Variants in CHD3 observed in about 807,000 individuals in gnomAD.
The protein encoded by CHD3 is ATP-dependent chromatin remodeler CHD3.
Under a neutral mutation model 248.9 loss-of-function variants are expected in CHD3, and 52 were observed. The ratio of observed to expected loss-of-function variants is 0.21; its 90% CI spans 0.17 to 0.26. The LOEUF (loss-of-function observed/expected upper bound fraction) is 0.26. Ranked by LOEUF, CHD3 falls within the 10% of genes least tolerant of loss-of-function variation. The probability of loss-of-function intolerance (pLI) is 1.00; values close to 1 mark genes in which losing one functional copy is unlikely to be tolerated. For missense variants in CHD3, 1,482 were observed against 2,605.8 expected (o/e 0.57, Z 9.39); for synonymous variants, 985 against 985.2 (o/e 1.00, Z 0.00).
intron 4 of CHD3, among the ~76,000 whole-genome samples, chr17:7,891,491 T>C (rs1273782473): frequency 6.6e-6 from 1 of 152,154 alleles, no homozygotes; most frequent in Non-Finnish European, 1.5e-5. Flanking sequence ...CTGGTAATAA[T>C]GGAGGGTCCA....
At position 7,911,393 on chromosome 17, in the gene CHD3, T is replaced by G. The variant is rs929882570; in HGVS notation, c.5882-71T>G. 10 of 1,611,344 alleles carry G rather than the reference T, an allele frequency of 6.2e-6. No individual in the cohort carries two copies. In the African/African-American group the frequency reaches 1.3e-4, roughly 22 times the overall value. On this transcript the variant is annotated intron_variant, in intron 39 of 39. Coordinates refer to ENST00000330494, the MANE Select transcript of CHD3 (RefSeq NM_001005273.3). The surrounding 1 kb of genome is among the most constrained non-coding windows in gnomAD (Gnocchi z 5.4). ...CAGGAGGTGACCTAGAAGTGAGAAT[T>G]CACCATTGTCATGAAGTGACGTTTG...
At chr17:7,896,284 C>T (rs993848781) in intron 10 of CHD3, among the ~76,000 whole-genome samples, 1 of 150,008 alleles carries the variant, frequency 6.7e-6, no homozygotes, top group East Asian at 1.9e-4. Flanking sequence ...TTCCCTATCT[C>T]TTGCTTGTAA....
chr17:7,906,640 A>G lies in CHD3; in HGVS notation c.4446A>G (p.Gly1482=), dbSNP rs1567867968. 1 of 1,613,400 alleles carries G rather than the reference A, an allele frequency of 6.2e-7. No homozygotes were observed. The highest frequency in any genetic ancestry group is 8.5e-7 in the Non-Finnish European group (1 of 1,179,774). Residue 1482 remains glycine, a synonymous_variant, in exon 29 of 40, where the codon GGA becomes GGG. Transcript: ENST00000330494. This position sits in a 1 kb window ranked among gnomAD's most constrained non-coding sequence, Gnocchi z 5.0. ...ETFADGVPRE[G]LSRQQVLTRI... is the part of the protein sequence containing the mutation. ...TTGCCGATGGGGTCCCTCGGGAGGGACTGAGTCGCCAGCAGGTGTTGACCC... is the reference window on the plus strand; with the variant it reads ...TTGCCGATGGGGTCCCTCGGGAGGGGCTGAGTCGCCAGCAGGTGTTGACCC...
rs1177869677 is a variant in CHD3, at chr17:7,908,484, C to G, written c.5235C>G (p.Asp1745Glu). 6.2e-7 allele frequency: 1 copy of G among 1,613,734 alleles called. No individual in the cohort carries two copies. Among genetic ancestry groups the G allele is most frequent in the Non-Finnish European group, 8.5e-7 (1 of 1,179,740 alleles). Residue 1745 changes from aspartate to glutamate, a missense_variant, in exon 35 of 40, where the codon GAC becomes GAG. Physicochemically the swap from Asp to Glu is conservative, Grantham distance 45. Around this residue, in one of 20 missense-constraint regions of CHD3, gnomAD observed 36 missense variants for 70.4 expected, o/e 0.51. Transcript: ENST00000330494. This position sits in a 1 kb window ranked among gnomAD's most constrained non-coding sequence, Gnocchi z 5.8. The part of the protein sequence containing the change: ...KLNEIWHRRH[D>E]YWLLAGIVLH... ...ATGAGATCTGGCACAGAAGACATGA[C>G]TATTGGCTTCTGGCTGGGATTGTCC...
At position 7,910,703 on chromosome 17, in the gene CHD3, C is replaced by T. The variant is rs531627725; in HGVS notation, c.5754+112C>T. The T allele has an allele frequency of 2.7e-6, 4 of 1,508,144 alleles. No homozygotes were observed. In the East Asian group the frequency reaches 6.8e-5, roughly 26 times the overall value. The allele number at this position is 1,508,144 out of a possible 1,614,324, so 93.4% of individuals were successfully genotyped here. A position where few individuals can be genotyped will look rare whatever the true frequency, so the allele number is the denominator to read the frequency against. ...TATGGAAAAACAACTTGCTAGAACA[C>T]AGTCATCACCCTTGAGTGAGTCTCC... On this transcript the variant is annotated intron_variant, in intron 38 of 39. Coordinates refer to ENST00000330494, the MANE Select transcript of CHD3 (RefSeq NM_001005273.3). The surrounding 1 kb of genome is among the most constrained non-coding windows in gnomAD (Gnocchi z 4.7).
rs1384150975 is a variant in CHD3, at chr17:7,899,166, A to G, written c.2307A>G (p.Ile769Met). 3.1e-6 allele frequency: 5 copies of G among 1,613,980 alleles called. No homozygotes were observed. Among genetic ancestry groups the G allele is most frequent in the Non-Finnish European group, 4.2e-6 (5 of 1,180,004 alleles). Residue 769 changes from isoleucine to methionine, a missense_variant, in exon 14 of 40, where the codon ATA becomes ATG. Ile to Met is a conservative substitution (Grantham distance 10). This residue lies in a region of CHD3 where 18 missense variants were observed against 88.8 expected (regional missense o/e 0.20). Coordinates refer to ENST00000330494, the MANE Select transcript of CHD3 (RefSeq NM_001005273.3). The surrounding 1 kb of genome is among the most constrained non-coding windows in gnomAD (Gnocchi z 6.8). ...LADEMGLGKT[I>M]QTIVFLYSLY... ...ATGAGATGGGGCTAGGCAAGACCAT[A>G]CAAACCATCGTCTTCCTCTACTCAC...
At chr17:7,901,200 G>T in intron 19 of CHD3, 44 bp from the exon 20 acceptor site, 1 of 1,561,024 alleles carries the variant, frequency 6.4e-7, no homozygotes, top group Non-Finnish European at 8.7e-7. Flanking sequence ...ATGGGGGCAT[G>T]TTTCCAACTG....
rs1011056372 is a variant in CHD3, at chr17:7,898,552, A to G, written c.2108A>G (p.Lys703Arg). The change falls in exon 13 of 40, where the codon AAG becomes AGG. Residue 703 changes from lysine (K) to arginine (R), a missense_variant. Lys to Arg is a conservative substitution (Grantham distance 26, BLOSUM62 2). Around this residue, in one of 20 missense-constraint regions of CHD3, gnomAD observed 127 missense variants for 188.3 expected, o/e 0.67. Coordinates refer to ENST00000330494, the MANE Select transcript of CHD3 (RefSeq NM_001005273.3). ...CCCCGCAAGTATAAGAAGAAGAAGAAGGAGCTACAGGGTGATGGGCCTCCC... is the reference window on the plus strand; with the variant it reads ...CCCCGCAAGTATAAGAAGAAGAAGAGGGAGCTACAGGGTGATGGGCCTCCC... Reference protein sequence around the residue: ...AQPRKYKKKKKELQGDGPPSS... With the variant: ...AQPRKYKKKKRELQGDGPPSS... 1.2e-6 allele frequency: 2 copies of G among 1,613,980 alleles called. No homozygotes were observed. Among genetic ancestry groups the G allele is most frequent in the Non-Finnish European group, 8.5e-7 (1 of 1,179,972 alleles).
intron 10 of CHD3, 137 bp from the exon 11 acceptor site, chr17:7,896,946 A>C: frequency 1.4e-6 from 1 of 701,796 alleles, no homozygotes; most frequent in Non-Finnish European, 2.4e-6. Flanking sequence ...GGCATGAGCC[A>C]CCGTGCCTGG....
Position 7,907,797 on chromosome 17 carries a change from T to C in CHD3, c.5026+95T>C. Reference sequence around the variant, plus strand: ...AATGCTTGGGTCCTGGGCGGGTAGCTGTTTGAAAGGCCAGTACAGTACAGT... The same window carrying C: ...AATGCTTGGGTCCTGGGCGGGTAGCCGTTTGAAAGGCCAGTACAGTACAGT... On this transcript the variant is annotated intron_variant, in intron 33 of 39. Coordinates refer to ENST00000330494, the MANE Select transcript of CHD3 (RefSeq NM_001005273.3). This position sits in a 1 kb window ranked among gnomAD's most constrained non-coding sequence, Gnocchi z 4.3. 6.6e-7 allele frequency: 1 copy of C among 1,512,600 alleles called. No homozygotes were observed. Among genetic ancestry groups the C allele is most frequent in the Non-Finnish European group, 8.8e-7 (1 of 1,131,412 alleles). The allele number at this position is 1,512,600 out of a possible 1,614,324, so 93.7% of individuals were successfully genotyped here.
Position 7,910,510 on chromosome 17 carries a change from C to A in CHD3, c.5673C>A (p.Pro1891=). ...CAGCCACGCTGTCCCGAATACCCCCCATCGCAGCCCGCCTTCAGATGTCCG... is the reference window on the plus strand; with the variant it reads ...CAGCCACGCTGTCCCGAATACCCCCAATCGCAGCCCGCCTTCAGATGTCCG... ...RLPATLSRIP[P]IAARLQMSER... The change falls in exon 38 of 40, where the codon CCC becomes CCA. Residue 1891 remains proline, a synonymous_variant. Coordinates refer to ENST00000330494, the MANE Select transcript of CHD3 (RefSeq NM_001005273.3). This position sits in a 1 kb window ranked among gnomAD's most constrained non-coding sequence, Gnocchi z 4.7. 6.2e-7 allele frequency: 1 copy of A among 1,614,030 alleles called. No homozygotes were observed.
upstream of CHD3, chr17:7,885,055 G>T: frequency 1.0e-6 from 1 of 999,070 alleles, no homozygotes. Context: ...CGCCACCGCT[G>T]CCCCCGCCGC....
Position 7,899,340 on chromosome 17 carries a change from C to T in CHD3, c.2344-3C>T, listed in dbSNP as rs200287864. On this transcript the variant is annotated splice_region_variant and splice_polypyrimidine_tract_variant and intron_variant, in intron 14 of 39. Coordinates refer to ENST00000330494, the MANE Select transcript of CHD3 (RefSeq NM_001005273.3). The surrounding 1 kb of genome is among the most constrained non-coding windows in gnomAD (Gnocchi z 6.8). ...TTATGCTGCCCCCATTCTTGACTCC[C>T]AGGGCCACACAAAAGGTCCCTTCCT... The T allele has an allele frequency of 8.9e-4, 1,438 of 1,614,008 alleles. 3 individuals carry two copies. The highest frequency in any genetic ancestry group is 1.2e-3 in the Admixed American group (73 of 60,018).
At position 7,900,209 on chromosome 17, in the gene CHD3, G is replaced by A; in HGVS notation, c.2683-81G>A. On this transcript the variant is annotated intron_variant, in intron 16 of 39. Coordinates refer to ENST00000330494, the MANE Select transcript of CHD3 (RefSeq NM_001005273.3). This position sits in a 1 kb window ranked among gnomAD's most constrained non-coding sequence, Gnocchi z 6.5. ...GATCCTGAGTGAAATGGGAGCTGGG[G>A]CAGGGAAAGGCTGATGCTGTGGGTC... The A allele has an allele frequency of 6.3e-7, 1 of 1,587,424 alleles. No individual in the cohort carries two copies. The highest frequency in any genetic ancestry group is 8.6e-7 in the Non-Finnish European group (1 of 1,163,010).
rs1230292658 is a variant in CHD3 at position 7,911,589 on chromosome 17, G to A, written c.*4G>A. 2 of 1,613,994 alleles carry A rather than the reference G, an allele frequency of 1.2e-6. No individual in the cohort carries two copies. Among genetic ancestry groups the A allele is most frequent in the South Asian group, 2.2e-5 (2 of 91,074 alleles). ...GGTGATCTGTATAGACGACTGACTG[G>A]ATCCCAGGCCTGCCCTTCACCCAGG... On this transcript the variant is annotated 3_prime_UTR_variant, in exon 40 of 40. Coordinates refer to ENST00000330494, the MANE Select transcript of CHD3 (RefSeq NM_001005273.3). The surrounding 1 kb of genome is among the most constrained non-coding windows in gnomAD (Gnocchi z 5.4).
In CHD3 at chr17:7,906,331, T is replaced by C. The variant is rs1047753134; in HGVS notation, c.4359-222T>C. 1 of 674,654 alleles carries C rather than the reference T, an allele frequency of 1.5e-6. No homozygotes were observed. Among genetic ancestry groups the C allele is most frequent in the Non-Finnish European group, 2.6e-6 (1 of 378,326 alleles). 41.8% of individuals were successfully genotyped at this position (674,654 alleles called of 1,614,324 possible). ...AGAGCTGACTGATGGGGCCCAGGAA[T>C]TAAGTACCAAGGCCAAAGGGAAAGA... On this transcript the variant is annotated intron_variant, in intron 28 of 39. Transcript: ENST00000330494. The surrounding 1 kb of genome is among the most constrained non-coding windows in gnomAD (Gnocchi z 5.0).
intron 20 of CHD3, among the ~76,000 whole-genome samples, 178 bp downstream of exon 20, chr17:7,901,553 C>T (rs1970323052): frequency 6.8e-6 from 1 of 146,604 alleles, no homozygotes; most frequent in African/African-American, 2.5e-5. Context: ...TCTTATTGCC[C>T]AGGCTGGAGT....
In CHD3 at chr17:7,908,043, C is replaced by T; in HGVS notation, c.5152+24C>T. The T allele has an allele frequency of 1.3e-6, 2 of 1,580,968 alleles. No individual in the cohort carries two copies. Among genetic ancestry groups the T allele is most frequent in the African/African-American group, 1.3e-5 (1 of 74,112 alleles). On this transcript the variant is annotated intron_variant, in intron 34 of 39. Coordinates refer to ENST00000330494, the MANE Select transcript of CHD3 (RefSeq NM_001005273.3). This position sits in a 1 kb window ranked among gnomAD's most constrained non-coding sequence, Gnocchi z 5.8. ...AGGTTGGGGAGACTCTCGCTGCTTT[C>T]TGCTCCTCAAGGGGATCTGCTCATC...
Position 7,911,802 on chromosome 17 carries a change from G to A in CHD3, c.*217G>A, listed in dbSNP as rs1332212707. On this transcript the variant is annotated 3_prime_UTR_variant, in exon 40 of 40. Coordinates refer to ENST00000330494, the MANE Select transcript of CHD3 (RefSeq NM_001005273.3). The surrounding 1 kb of genome is among the most constrained non-coding windows in gnomAD (Gnocchi z 5.4). ...TTTCCCACCAAGCCTTGAAGACTGT[G>A]CTGGTGAGAAGAAGTCTGGGTGGGA... The A allele has an allele frequency of 7.7e-6, 11 of 1,421,430 alleles. No individual in the cohort carries two copies. The South Asian group carries it at 1.0e-4, about 13-fold the overall frequency. The allele number at this position is 1,421,430 out of a possible 1,614,324, so 88.1% of individuals were successfully genotyped here. A position where few individuals can be genotyped will look rare whatever the true frequency, so the allele number is the denominator to read the frequency against.
Sources: allele counts gnomAD v4.1 joint callset (sites outside exome capture counted in the v4.1 genomes callset), GRCh38; gene constraint gnomAD v4.1.1; regional missense constraint gnomAD v4.1.1; non-coding constraint Gnocchi (gnomAD v3.1); transcripts MANE v1.5; gene names NCBI Gene and HGNC (gene_info 2026-07-23, HGNC 2026-07-21).